The following ST3GAL5 variants were observed in gnomAD, a reference collection of about 807,000 sequenced individuals.
ST3GAL5 encodes ST3 beta-galactoside alpha-2,3-sialyltransferase 5.
ST3GAL5 carries 25 observed loss-of-function variants against 46.1 expected under a neutral mutation model. That is an observed-to-expected ratio of 0.54 (90% CI 0.40 to 0.76). The LOEUF is 0.76. ST3GAL5 is among the 30% of genes least tolerant of loss of function. ST3GAL5 has a pLI of 0.00. For missense variants in ST3GAL5, 431 were observed against 521.2 expected (o/e 0.83, Z 1.69); for synonymous variants, 182 against 192.7 (o/e 0.94, Z 0.46).
At chr2:85,867,359 C>T (rs924500697) in intron 1 of ST3GAL5, among the ~76,000 whole-genome samples, 3 of 152,152 alleles carry the variant, frequency 2.0e-5, no homozygotes, top group African/African-American at 7.2e-5. Context: ...CATTCATATG[C>T]ATATTAAAGT....
intron 3 of ST3GAL5, chr2:85,851,701 G>C: frequency 7.8e-7 from 1 of 1,289,406 alleles, no homozygotes; most frequent in South Asian, 1.2e-5. Context: ...GCACCTTCAG[G>C]AGCTGCAATG....
In ST3GAL5 at chr2:85,840,942, C is replaced by CAAAAAAA. The variant is rs1272089535; in HGVS notation, c.1009-557_1009-551dup. Among the ~76,000 whole-genome samples, 62 of 24,178 alleles carry CAAAAAAA rather than the reference C, an allele frequency of 2.6e-3. 4 individuals carry two copies. The highest frequency in any genetic ancestry group is 5.2e-3 in the South Asian group (2 of 388). 15.9% of individuals were successfully genotyped at this position (24,178 alleles called of 152,430 possible). A position where few individuals can be genotyped will look rare whatever the true frequency, so the allele number is the denominator to read the frequency against. ...CTGGCGACAGAGCAAGACTCTGTCTCAAAAAAAAAAAAAAAAAAAAAAAAG... is the reference window on the plus strand; with the variant it reads ...CTGGCGACAGAGCAAGACTCTGTCTCAAAAAAAAAAAAAAAAAAAAAAAAAAAAAAAG... On this transcript the variant is annotated intron_variant, in intron 6 of 6. Coordinates refer to ENST00000638572, the MANE Select transcript of ST3GAL5 (RefSeq NM_003896.4).
intron 1 of ST3GAL5, among the ~76,000 whole-genome samples, chr2:85,882,619 A>G (rs1687285065): frequency 6.6e-6 from 1 of 152,124 alleles, no homozygotes; most frequent in Non-Finnish European, 1.5e-5. Flanking sequence ...ACTTGAGGTC[A>G]GGAGTTCAAG....
At chr2:85,851,421 C>G in intron 3 of ST3GAL5, 1 of 1,202,318 alleles carries the variant, frequency 8.3e-7, no homozygotes. Context: ...TGCCTGGAGA[C>G]AGGGCTTTTT....
chr2:85,840,005 T>A lies in ST3GAL5; in HGVS notation c.*139A>T. On this transcript the variant is annotated 3_prime_UTR_variant, in exon 7 of 7. Coordinates refer to ENST00000638572, the MANE Select transcript of ST3GAL5 (RefSeq NM_003896.4). The stretch of plus-strand genomic sequence containing the variant: ...AAAAAAAAGTGGGAAGAGCTAAAAT[T>A]TTTTTTGTGTTTTTAAATTAAAAGT... The A allele has an allele frequency of 4.4e-6, 6 of 1,367,924 alleles. No homozygotes were observed. The highest frequency in any genetic ancestry group is 6.0e-6 in the Non-Finnish European group (6 of 1,006,730). 84.7% of individuals were successfully genotyped at this position (1,367,924 alleles called of 1,614,324 possible). A position where few individuals can be genotyped will look rare whatever the true frequency, so the allele number is the denominator to read the frequency against.
chr2:85,864,316 T>TA (rs1212448038), intron 1 of ST3GAL5, among the ~76,000 whole-genome samples: 2 of 152,094 alleles, frequency 1.3e-5, no homozygotes, highest in South Asian at 2.1e-4. Flanking sequence ...TTATTTTTTT[T>TA]AAAAAGGACC....
rs757941573 is a variant in ST3GAL5 at position 85,848,053 on chromosome 2, T to C, written c.470A>G (p.Lys157Arg). 6.2e-7 allele frequency: 1 copy of C among 1,614,200 alleles called. No individual in the cohort carries two copies. ...KAPKDSEAES[K>R]YDPPFGFRKF... ...CCGGAACCCAAAAGGAGGATCGTAC[T>C]TGGACTCAGCTTCACTGTCTTTGGG... Residue 157 changes from lysine (K) to arginine (R), a missense_variant, in exon 4 of 7, where the codon AAG (lysine) becomes AGG (arginine). Transcript: ENST00000638572.
At chr2:85,876,462 CTTTTTT>C (rs59265377) in intron 1 of ST3GAL5, among the ~76,000 whole-genome samples, 3 of 111,248 alleles carry the variant, frequency 2.7e-5, no homozygotes, top group Admixed American at 2.1e-4. Context: ...TTTCTTTTTC[CTTTTTT>C]TTTTTTTTTT....
chr2:85,847,361 T>G (rs963318378), intron 4 of ST3GAL5: 5 of 994,698 alleles, frequency 5.0e-6, no homozygotes, highest in Non-Finnish European at 6.0e-6. Flanking sequence ...TCACTTCCTC[T>G]GACAAGGTTC....
chr2:85,886,159 T>C (rs7565996), intron 1 of ST3GAL5, among the ~76,000 whole-genome samples: 54,603 of 152,140 alleles, frequency 0.36, 10,376 homozygotes, highest in East Asian at 0.5. Flanking sequence ...CCAGGCGCAA[T>C]TGCTCACGCC....
At chr2:85,847,606 G>A (rs1682953919) in intron 4 of ST3GAL5, 1 of 1,256,508 alleles carries the variant, frequency 8.0e-7, no homozygotes, top group Non-Finnish European at 1.0e-6. Flanking sequence ...ACCCCAGTCT[G>A]GGCAATTCGG....
intron 6 of ST3GAL5, among the ~76,000 whole-genome samples, chr2:85,842,789 TTCAC>T (rs748119115): frequency 2.0e-5 from 3 of 151,852 alleles, no homozygotes; most frequent in African/African-American, 7.3e-5. Flanking sequence ...AAGATGGAGT[TTCAC>T]TCTTGTTGCC....
In ST3GAL5 at chr2:85,837,375, G is replaced by A. The variant is rs1681596908; in HGVS notation, c.*2769C>T. 6.6e-6 allele frequency: 1 copy of A among 152,308 alleles called. No homozygotes were observed. Among genetic ancestry groups the A allele is most frequent in the South Asian group, 2.1e-4 (1 of 4,826 alleles). The allele number at this position is 152,308 out of a possible 1,614,324, so 9.4% of individuals were successfully genotyped here. ...CACATGTTCTCATTCCTATGTAGGA[G>A]CTAAAAAAGTGGATCTCATGAAGAT... is the stretch of plus-strand genomic sequence containing the variant. On this transcript the variant is annotated 3_prime_UTR_variant, in exon 7 of 7. Coordinates refer to ENST00000638572, the MANE Select transcript of ST3GAL5 (RefSeq NM_003896.4).
chr2:85,856,939 G>T (rs926914595), intron 3 of ST3GAL5, among the ~76,000 whole-genome samples: 38 of 150,892 alleles, frequency 2.5e-4, no homozygotes, highest in Non-Finnish European at 4.4e-5. Flanking sequence ...TGTTTTAAGG[G>T]CAGGGCATGG....
At chr2:85,848,316 C>T (rs1683068917) in intron 3 of ST3GAL5, 112 bp from the exon 4 acceptor site, 1 of 1,607,196 alleles carries the variant, frequency 6.2e-7, no homozygotes, top group African/African-American at 1.3e-5. Flanking sequence ...GTGTTGATTA[C>T]TGTCTTTTAA....
intron 2 of ST3GAL5, among the ~76,000 whole-genome samples, chr2:85,862,014 C>A (rs12613609): frequency 0.34 from 51,873 of 151,682 alleles, 10,143 homozygotes; most frequent in Admixed American, 0.5. Context: ...GAAAGTAATC[C>A]ATTTTCTAAA....
At position 85,867,771 on chromosome 2, in the gene ST3GAL5, A is replaced by G. The variant is rs1304563181; in HGVS notation, c.83-4286T>C. 5.7e-6 allele frequency: 4 copies of G among 706,558 alleles called. No homozygotes were observed. The Admixed American group carries it at 8.0e-5, about 14-fold the overall frequency. 43.8% of individuals were successfully genotyped at this position (706,558 alleles called of 1,614,324 possible). A position where few individuals can be genotyped will look rare whatever the true frequency, so the allele number is the denominator to read the frequency against. ...AAAATGCAAGAATTTGCCGAAGGGC[A>G]GGACTTATGGTATAACGGCAAGACT... On this transcript the variant is annotated intron_variant, in intron 1 of 6. Transcript: ENST00000638572.
chr2:85,888,781 C>T (rs1247410887), intron 1 of ST3GAL5, 43 bp downstream of exon 1: 5 of 1,176,312 alleles, frequency 4.3e-6, no homozygotes. Flanking sequence ...AGCCCCCAGC[C>T]CGCGGGCCCC....
chr2:85,880,962 T>C (rs1250784745), intron 1 of ST3GAL5: 2 of 513,518 alleles, frequency 3.9e-6, no homozygotes, highest in Non-Finnish European at 7.7e-6. Context: ...ATGGTTTGGC[T>C]CTGTCCCCAC....
Sources: gnomAD v4.1 joint callset for allele counts (sites outside exome capture counted in the v4.1 genomes callset) on GRCh38, gnomAD v4.1.1 for gene constraint, MANE v1.5 for transcripts, NCBI Gene and HGNC (gene_info 2026-07-23, HGNC 2026-07-21) for gene names.